The following SKI variants were observed in gnomAD, a reference collection of about 807,000 sequenced individuals.
The protein encoded by SKI is SKI proto-oncogene.
Under a neutral mutation model 59.3 loss-of-function variants are expected in SKI, and 23 were observed. That is an observed-to-expected ratio of 0.39 (90% CI 0.28 to 0.55). SKI has a LOEUF of 0.55. Ranked by LOEUF, SKI falls within the 20% of genes least tolerant of loss-of-function variation. The probability of loss-of-function intolerance (pLI) is 0.67; values close to 1 mark genes in which losing one functional copy is unlikely to be tolerated. For synonymous variants in SKI, 673 were observed against 488.6 expected (o/e 1.38, Z -4.98); for missense variants, 1,017 against 1,038.9 (o/e 0.98, Z 0.29).
chr1:2,240,545 G>A lies in SKI; in HGVS notation c.969+10810G>A, dbSNP rs192627060. ...GGGGCAAGGCTGCGGGACTGGGACC[G>A]CTGGCTTCCTGGGGCCATCGAGGCT... On this transcript the variant is annotated intron_variant, in intron 1 of 6. Transcript: ENST00000378536. 5.7e-4 allele frequency: 561 copies of A among 985,454 alleles called. 1 individual carries two copies. Among genetic ancestry groups the A allele is most frequent in the Non-Finnish European group, 6.7e-4 (553 of 829,932 alleles). 61.0% of individuals were successfully genotyped at this position (985,454 alleles called of 1,614,324 possible).
At position 2,268,176 on chromosome 1, in the gene SKI, G is replaced by A. The variant is rs1009236339; in HGVS notation, c.970-34802G>A. Among the ~76,000 whole-genome samples, 1 of 152,218 alleles carries A rather than the reference G, an allele frequency of 6.6e-6. No individual in the cohort carries two copies. Among genetic ancestry groups the A allele is most frequent in the Admixed American group, 6.5e-5 (1 of 15,288 alleles). On this transcript the variant is annotated intron_variant, in intron 1 of 6. Coordinates refer to ENST00000378536, the MANE Select transcript of SKI (RefSeq NM_003036.4). The surrounding 1 kb of genome is among the most constrained non-coding windows in gnomAD (Gnocchi z 5.0). ...GGCGGGGCCCTGGCTCTGTGGGTGG[G>A]TGGCTGTGCTGCCGCTGCTGTCGCC...
intron 1 of SKI, among the ~76,000 whole-genome samples, chr1:2,285,871 T>C (rs1183834131): frequency 5.3e-5 from 2 of 37,388 alleles, no homozygotes; most frequent in Non-Finnish European, 9.5e-5. Context: ...AGCCAGAAGG[T>C]TTTTTTTTTT....
chr1:2,309,402 C>T lies in SKI; in HGVS notation c.*2637C>T, dbSNP rs1350252955. 3.9e-5 allele frequency: 6 copies of T among 152,146 alleles called. No individual in the cohort carries two copies. Among genetic ancestry groups the T allele is most frequent in the African/African-American group, 9.7e-5 (4 of 41,402 alleles). The allele number at this position is 152,146 out of a possible 1,614,324, so 9.4% of individuals were successfully genotyped here. ...ATCTCTGGAGCAGCTAACTCATACA[C>T]GTAATGTCTGCTTTTCGTACAGAAC... On this transcript the variant is annotated 3_prime_UTR_variant, in exon 7 of 7. Coordinates refer to ENST00000378536, the MANE Select transcript of SKI (RefSeq NM_003036.4).
At position 2,306,180 on chromosome 1, in the gene SKI, A is replaced by G. The variant is rs1288017380; in HGVS notation, c.1928A>G (p.Gln643Arg). ...CTGCGCCTGAAGCGGGAGCTGGAGCAGGCGCGGCAGGCCCGGGTGTGCGAC... is the reference window on the plus strand; with the variant it reads ...CTGCGCCTGAAGCGGGAGCTGGAGCGGGCGCGGCAGGCCCGGGTGTGCGAC... ...SRLRLKRELE[Q>R]ARQARVCDKG... Residue 643 changes from glutamine (Q) to arginine (R), a missense_variant, in exon 6 of 7, where the codon CAG becomes CGG. Physicochemically the swap from Gln to Arg is conservative, Grantham distance 43. Transcript: ENST00000378536. 1.3e-6 allele frequency: 2 copies of G among 1,587,946 alleles called. No individual in the cohort carries two copies. The highest frequency in any genetic ancestry group is 3.6e-5 in the Admixed American group (2 of 55,778).
At chr1:2,279,581 G>C (rs539229491) in intron 1 of SKI, among the ~76,000 whole-genome samples, 1 of 152,234 alleles carries the variant, frequency 6.6e-6, no homozygotes, top group Non-Finnish European at 1.5e-5. Context: ...TGCAGGGGGA[G>C]GGGGGAGGGG....
chr1:2,303,762 GA>G lies in SKI; in HGVS notation c.1212-77del, dbSNP rs1258307167. The G allele has an allele frequency of 1.3e-6, 2 of 1,557,252 alleles. No homozygotes were observed. The highest frequency in any genetic ancestry group is 2.7e-5 in the African/African-American group (2 of 73,982). On this transcript the variant is annotated intron_variant, in intron 3 of 6. Coordinates refer to ENST00000378536, the MANE Select transcript of SKI (RefSeq NM_003036.4). The surrounding 1 kb of genome is among the most constrained non-coding windows in gnomAD (Gnocchi z 5.6). ...AAGTCTTTCCTGTTTAACACCTTCAGAGGGGGTGTGCGCCAGGATGTGTCTG... is the reference window on the plus strand; with the variant it reads ...AAGTCTTTCCTGTTTAACACCTTCAGGGGGGTGTGCGCCAGGATGTGTCTG...
chr1:2,274,782 C>T (rs1250599776), intron 1 of SKI, among the ~76,000 whole-genome samples: 2 of 152,192 alleles, frequency 1.3e-5, no homozygotes, highest in Admixed American at 6.5e-5. Context: ...GGCAGGGACC[C>T]CACTTTCTGG....
At chr1:2,283,750 T>TGGTTCGAAGCTGCCCC (rs1240113842) in intron 1 of SKI, among the ~76,000 whole-genome samples, 5 of 152,330 alleles carry the variant, frequency 3.3e-5, no homozygotes, top group African/African-American at 1.2e-4. Context: ...AGCACTGCTC[T>TGGTTCGAAGCTGCCCC]GGTTCGAAGC....
chr1:2,270,868 C>T lies in SKI; in HGVS notation c.970-32110C>T, dbSNP rs916690762. ...GCACAAGTTCACATTTGTCCCTCTC[C>T]TGCCCCAGGGCACCTGGCCCTGTCC... On this transcript the variant is annotated intron_variant, in intron 1 of 6. Transcript: ENST00000378536. This position sits in a 1 kb window ranked among gnomAD's most constrained non-coding sequence, Gnocchi z 4.1. Among the ~76,000 whole-genome samples, 2 of 152,232 alleles carry T rather than the reference C, an allele frequency of 1.3e-5. No homozygotes were observed. Among genetic ancestry groups the T allele is most frequent in the Admixed American group, 1.3e-4 (2 of 15,290 alleles).
In SKI at chr1:2,230,804, C is replaced by T. The variant is rs1011481122; in HGVS notation, c.969+1069C>T. 5.9e-5 allele frequency among the ~76,000 whole-genome samples: 9 copies of T among 152,328 alleles called. No individual in the cohort carries two copies. In the South Asian group the frequency reaches 6.2e-4, roughly 11 times the overall value. On this transcript the variant is annotated intron_variant, in intron 1 of 6. Transcript: ENST00000378536. ...TTCTTGGGAGGCCTAATTAATTCAGCTATTGCATCAAACTTTTTTTTTCTA... is the reference window on the plus strand; with the variant it reads ...TTCTTGGGAGGCCTAATTAATTCAGTTATTGCATCAAACTTTTTTTTTCTA...
At chr1:2,259,800 CTTCT>C (rs1201829738) in intron 1 of SKI, among the ~76,000 whole-genome samples, 1 of 152,180 alleles carries the variant, frequency 6.6e-6, no homozygotes, top group Non-Finnish European at 1.5e-5. Context: ...ACAATATGTT[CTTCT>C]TTTGGTCTGG....
chr1:2,247,923 C>G (rs1325711510), intron 1 of SKI: 1 of 152,336 alleles, frequency 6.6e-6, no homozygotes, highest in African/African-American at 2.4e-5. Context: ...CGTGCCCGCC[C>G]CTTTTACCAG....
intron 1 of SKI, among the ~76,000 whole-genome samples, chr1:2,284,662 C>T (rs967008035): frequency 1.2e-4 from 18 of 152,284 alleles, no homozygotes; most frequent in Middle Eastern, 3.4e-3. Flanking sequence ...GGGCCTCTTG[C>T]GGCGGCTCCC....
chr1:2,250,366 G>A (rs1449295078), intron 1 of SKI, among the ~76,000 whole-genome samples: 1 of 152,224 alleles, frequency 6.6e-6, no homozygotes, highest in African/African-American at 2.4e-5. Flanking sequence ...CGAGTGTGGG[G>A]TGGCCACTGC....
At position 2,304,098 on chromosome 1, in the gene SKI, G is replaced by A. The variant is rs1224098523; in HGVS notation, c.1470G>A (p.Glu490=). 1 of 1,612,428 alleles carries A rather than the reference G, an allele frequency of 6.2e-7. No individual in the cohort carries two copies. The highest frequency in any genetic ancestry group is 8.5e-7 in the Non-Finnish European group (1 of 1,179,888). Residue 490 remains glutamate, a synonymous_variant, in exon 4 of 7, where the codon GAG becomes GAA. Coordinates refer to ENST00000378536, the MANE Select transcript of SKI (RefSeq NM_003036.4). ...SEAEVEVESR[E]EFTSSLSSLS... ...CGGAGGTGGAAGTTGAAAGCAGGGA[G>A]GAATGTACGTGTGAGTCGCTTTCTG...
At chr1:2,233,077 G>A (rs903796821) in intron 1 of SKI, among the ~76,000 whole-genome samples, 1 of 152,216 alleles carries the variant, frequency 6.6e-6, no homozygotes, top group Non-Finnish European at 1.5e-5. Flanking sequence ...CCTGCTGCCT[G>A]GGACGCGGCC....
At chr1:2,287,737 G>C (rs963217470) in intron 1 of SKI, among the ~76,000 whole-genome samples, 1 of 152,186 alleles carries the variant, frequency 6.6e-6, no homozygotes, top group Non-Finnish European at 1.5e-5. Context: ...CCCCCTAGAA[G>C]GACAGGGCTT....
chr1:2,279,471 C>G (rs1308770394), intron 1 of SKI, among the ~76,000 whole-genome samples: 1 of 150,426 alleles, frequency 6.6e-6, no homozygotes, highest in Non-Finnish European at 1.5e-5. Context: ...CCATCCCTCT[C>G]TGGTTCTCTC....
intron 1 of SKI, among the ~76,000 whole-genome samples, chr1:2,250,158 G>T (rs1639107806): frequency 6.6e-6 from 1 of 152,160 alleles, no homozygotes; most frequent in Non-Finnish European, 1.5e-5. Context: ...CAGCCGCCTT[G>T]GCCTCCCAAA....
Sources: gnomAD v4.1 joint callset for allele counts (sites outside exome capture counted in the v4.1 genomes callset) on GRCh38, gnomAD v4.1.1 for gene constraint, Gnocchi (gnomAD v3.1) non-coding constraint, MANE v1.5 for transcripts, NCBI Gene and HGNC (gene_info 2026-07-23, HGNC 2026-07-21) for gene names.